NFATC3: variants seen among roughly 807,000 people sequenced by gnomAD.
The protein encoded by NFATC3 is nuclear factor of activated T cells 3.
In NFATC3, 46 loss-of-function variants were observed where a neutral mutation model predicts 98.6. The ratio of observed to expected loss-of-function variants is 0.47; its 90% CI spans 0.37 to 0.60. NFATC3 has a LOEUF of 0.60. Among genes scored for constraint, NFATC3 ranks in the 20% least tolerant of loss-of-function variants. The probability of loss-of-function intolerance (pLI) is 0.00; values close to 1 mark genes in which losing one functional copy is unlikely to be tolerated. For missense variants in NFATC3, 1,256 were observed against 1,295.5 expected, an observed-to-expected ratio of 0.97 and a Z score of 0.47; for synonymous variants, 512 against 472.2, an observed-to-expected ratio of 1.08 and a Z score of -1.09.
chr16:68,187,779 T>TG (rs1461138776), intron 8 of NFATC3, among the ~76,000 whole-genome samples: 1 of 151,952 alleles, frequency 6.6e-6, no homozygotes, highest in Non-Finnish European at 1.5e-5. Context: ...GACTGGTCCA[T>TG]GGGGGGGCCA....
At chr16:68,183,525 A>G (rs1439878471) in intron 8 of NFATC3, among the ~76,000 whole-genome samples, 159 bp downstream of exon 8, 5 of 152,220 alleles carry the variant, frequency 3.3e-5, no homozygotes, top group Non-Finnish European at 7.3e-5. Context: ...TTTAAATATT[A>G]GATGTGGTCT....
Position 68,183,316 on chromosome 16 carries a change from G to T in NFATC3, c.2048G>T (p.Cys683Phe), listed in dbSNP as rs760125303. The T allele has an allele frequency of 1.2e-6, 2 of 1,613,342 alleles. No homozygotes were observed. The highest frequency in any genetic ancestry group is 2.2e-5 in the South Asian group (2 of 90,964). ...GCAGTGCAGGTGCACTTTTATCTTT[G>T]CAATGGCAAGAGGAAAAAAAGCCAG... ...TAAVQVHFYLCNGKRKKSQSQ... is the reference protein window; with the variant it reads ...TAAVQVHFYLFNGKRKKSQSQ... The change falls in exon 8 of 10, where the codon TGC becomes TTC. Residue 683 changes from cysteine to phenylalanine, a missense_variant. Cys to Phe is a radical substitution (Grantham distance 205). This residue lies in a region of NFATC3 where 636 missense variants were observed against 617.3 expected (regional missense o/e 1.03). Coordinates refer to ENST00000346183, the MANE Select transcript of NFATC3 (RefSeq NM_173165.3).
At chr16:68,187,987 C>T (rs1433559375) in intron 8 of NFATC3, among the ~76,000 whole-genome samples, 2 of 152,138 alleles carry the variant, frequency 1.3e-5, no homozygotes, top group Admixed American at 1.3e-4. Flanking sequence ...GCCTGCAAAC[C>T]AGGGCTGAGC....
intron 9 of NFATC3, among the ~76,000 whole-genome samples, chr16:68,193,025 T>A (rs532534346): frequency 6.6e-6 from 1 of 152,178 alleles, no homozygotes; most frequent in Non-Finnish European, 1.5e-5. Flanking sequence ...ATCTGTGGAT[T>A]GAAAATATCT....
At chr16:68,183,700 T>C (rs1186729495) in intron 8 of NFATC3, among the ~76,000 whole-genome samples, 3 of 152,116 alleles carry the variant, frequency 2.0e-5, no homozygotes, top group African/African-American at 7.2e-5. Context: ...CTTGTACCCT[T>C]AGCACCATAA....
At chr16:68,183,134 A>T in intron 7 of NFATC3, 106 bp from the exon 8 acceptor site, 2 of 1,151,560 alleles carry the variant, frequency 1.7e-6, no homozygotes, top group South Asian at 3.3e-5. Context: ...GTGCATAATT[A>T]TCTATGCTGG....
intron 9 of NFATC3, among the ~76,000 whole-genome samples, chr16:68,220,743 T>TA (rs58091032): frequency 0.047 from 5,379 of 114,916 alleles, 317 homozygotes; most frequent in African/African-American, 0.16. Flanking sequence ...CCGTCTCTAC[T>TA]AAAAAAAAAA....
chr16:68,177,018 C>CT lies in NFATC3; in HGVS notation c.1915+2507dup, dbSNP rs1243725103. On this transcript the variant is annotated intron_variant, in intron 6 of 9. Transcript: ENST00000346183. ...GTTCTGGTCATATATATTTTTCTTT[C>CT]TTTCTTTTCTTTTCTTTTTTTTTTT... Among the ~76,000 whole-genome samples the CT allele has an allele frequency of 2.1e-5, 3 of 144,800 alleles. No homozygotes were observed. In the South Asian group the frequency reaches 6.8e-4, roughly 33 times the overall value. 95.0% of individuals were successfully genotyped at this position (144,800 alleles called of 152,430 possible).
At chr16:68,205,934 A>G (rs566813672) in intron 9 of NFATC3, among the ~76,000 whole-genome samples, 4 of 150,490 alleles carry the variant, frequency 2.7e-5, no homozygotes, top group South Asian at 2.1e-4. Context: ...TTCTCGCTCT[A>G]CTGCCCAGGC....
At chr16:68,152,545 C>T (rs1382690526) in intron 3 of NFATC3, among the ~76,000 whole-genome samples, 1 of 152,166 alleles carries the variant, frequency 6.6e-6, no homozygotes, top group African/African-American at 2.4e-5. Context: ...GAGCCTTGCT[C>T]TGTCACCCAG....
Position 68,210,311 on chromosome 16 carries a change from G to A in NFATC3, c.3107-16039G>A, listed in dbSNP as rs1296391524. On this transcript the variant is annotated intron_variant, in intron 9 of 9. Transcript: ENST00000346183. ...AGATTCCTTCTCAAAAAAAAAAAAA[G>A]AAAAAAAAAAAGAATACAAAAAATT... Among the ~76,000 whole-genome samples, 1,210 of 131,108 alleles carry A rather than the reference G, an allele frequency of 9.2e-3. 16 individuals carry two copies. The highest frequency in any genetic ancestry group is 0.033 in the African/African-American group (1,099 of 33,076). The allele number at this position is 131,108 out of a possible 152,430, so 86.0% of individuals were successfully genotyped here. A position where few individuals can be genotyped will look rare whatever the true frequency, so the allele number is the denominator to read the frequency against.
intron 1 of NFATC3, among the ~76,000 whole-genome samples, chr16:68,118,071 TAAAG>T (rs2036381862): frequency 6.6e-6 from 1 of 152,210 alleles, no homozygotes; most frequent in East Asian, 1.9e-4. Context: ...GGGCGTTTCT[TAAAG>T]AAACCAAGGC....
At chr16:68,174,539 C>A in intron 6 of NFATC3, 25 bp downstream of exon 6, 1 of 1,521,442 alleles carries the variant, frequency 6.6e-7, no homozygotes, top group South Asian at 1.4e-5. Flanking sequence ...AGTTGATTGA[C>A]TTCAAACTAA....
intron 3 of NFATC3, among the ~76,000 whole-genome samples, chr16:68,133,877 T>C (rs530496525): frequency 1.3e-3 from 197 of 148,284 alleles, no homozygotes; most frequent in African/African-American, 4.9e-3. Flanking sequence ...CTTTGTGCCC[T>C]TTTTTTTAAA....
At chr16:68,125,904 A>T (rs536295667) in intron 2 of NFATC3, among the ~76,000 whole-genome samples, 3 of 151,882 alleles carry the variant, frequency 2.0e-5, no homozygotes, top group Admixed American at 6.6e-5. Context: ...TATTATTATT[A>T]TTTTTTGAGA....
intron 3 of NFATC3, among the ~76,000 whole-genome samples, chr16:68,144,592 A>G (rs1318926163): frequency 6.6e-6 from 1 of 152,074 alleles, no homozygotes; most frequent in African/African-American, 2.4e-5. Flanking sequence ...CGATCCATCC[A>G]CCTTGCCCTC....
chr16:68,172,213 G>A (rs1186554650), intron 5 of NFATC3, among the ~76,000 whole-genome samples: 3 of 152,162 alleles, frequency 2.0e-5, no homozygotes, highest in Non-Finnish European at 4.4e-5. Flanking sequence ...GTACTTTTGT[G>A]GCTAGGTATT....
chr16:68,151,490 G>A (rs911666858), intron 3 of NFATC3, among the ~76,000 whole-genome samples: 4 of 152,098 alleles, frequency 2.6e-5, no homozygotes, highest in Non-Finnish European at 4.4e-5. Context: ...TCTTTTGGGG[G>A]TATTAATATA....
At chr16:68,110,616 A>G (rs2035898239) in intron 1 of NFATC3, among the ~76,000 whole-genome samples, 1 of 147,342 alleles carries the variant, frequency 6.8e-6, no homozygotes, top group African/African-American at 2.5e-5. Context: ...GCCCAGCCTG[A>G]TTTTTTTTTT....
Sources: allele counts gnomAD v4.1 joint callset (sites outside exome capture counted in the v4.1 genomes callset), GRCh38; gene constraint gnomAD v4.1.1; regional missense constraint gnomAD v4.1.1; transcripts MANE v1.5; gene names NCBI Gene and HGNC (gene_info 2026-07-23, HGNC 2026-07-21).